Variants in MORF4L1 observed in about 807,000 individuals in gnomAD.
MORF4L1 encodes mortality factor 4 like 1.
A neutral mutation model predicts 52.9 loss-of-function variants in MORF4L1; 4 were observed. The observed-to-expected ratio is 0.08, with a 90% CI of 0.04 to 0.17. The LOEUF (loss-of-function observed/expected upper bound fraction) is 0.17, where lower values mean the gene tolerates loss of function less well. MORF4L1 is among the 10% of genes least tolerant of loss of function. The pLI, the probability that MORF4L1 is intolerant of heterozygous loss-of-function variation, is 1.00. For missense variants in MORF4L1, 214 were observed against 390.4 expected (o/e 0.55, Z 3.81); for synonymous variants, 123 against 134.8 (o/e 0.91, Z 0.61).
intron 1 of MORF4L1, chr15:78,877,995 C>G (rs1052518811): frequency 2.3e-6 from 1 of 444,090 alleles, no homozygotes. Flanking sequence ...GTAGATTGAC[C>G]TGCTAATGAA....
Position 78,886,428 on chromosome 15 carries a change from G to C in MORF4L1, c.242+201G>C, listed in dbSNP as rs1335387086. 2.2e-5 allele frequency: 13 copies of C among 585,290 alleles called. No homozygotes were observed. The East Asian group carries it at 3.7e-4, about 17-fold the overall frequency. 36.3% of individuals were successfully genotyped at this position (585,290 alleles called of 1,614,324 possible). ...AAGTAGCATACCTGCCATTACTTGAGCTTATCTTAGACCTAGGTAGAAAAC... is the reference window on the plus strand; with the variant it reads ...AAGTAGCATACCTGCCATTACTTGACCTTATCTTAGACCTAGGTAGAAAAC... On this transcript the variant is annotated intron_variant, in intron 4 of 11. Coordinates refer to ENST00000426013, the MANE Select transcript of MORF4L1 (RefSeq NM_006791.4).
chr15:78,885,017 A>T (rs776554521), intron 3 of MORF4L1: 13 of 1,614,000 alleles, frequency 8.1e-6, no homozygotes, highest in Non-Finnish European at 1.1e-5. Context: ...ACACATGAGG[A>T]TATTGTAGCC....
At chr15:78,894,789 T>C in intron 10 of MORF4L1, 31 bp from the exon 11 acceptor site, 5 of 1,535,940 alleles carry the variant, frequency 3.3e-6, no homozygotes, top group Non-Finnish European at 4.5e-6. Flanking sequence ...GCCTTGGATG[T>C]AACTTTGGAT....
rs2056903786 is a variant in MORF4L1, at chr15:78,897,083, A to G, written c.*16A>G. The G allele has an allele frequency of 1.1e-5, 17 of 1,596,244 alleles. No individual in the cohort carries two copies. Among genetic ancestry groups the G allele is most frequent in the Admixed American group, 1.7e-5 (1 of 59,866 alleles). ...AGCTGTGTGAGAGGCACTCTCACTC[A>G]CTTATGTTTGGATCTCCGTAAACAC... On this transcript the variant is annotated 3_prime_UTR_variant, in exon 12 of 12. Transcript: ENST00000426013.
chr15:78,897,817 G>C lies in MORF4L1; in HGVS notation c.*750G>C, dbSNP rs576679144. 6.6e-6 allele frequency: 1 copy of C among 152,666 alleles called. No homozygotes were observed. The highest frequency in any genetic ancestry group is 2.1e-4 in the South Asian group (1 of 4,832). The allele number at this position is 152,666 out of a possible 1,614,324, so 9.5% of individuals were successfully genotyped here. ...TTGTATTTAGACAGTGGTTTTTCAG[G>C]TGCGTGCTTTGTTTTCTGGTATGGC... On this transcript the variant is annotated 3_prime_UTR_variant, in exon 12 of 12. Transcript: ENST00000426013.
chr15:78,879,247 AGTATTGCTCT>A (rs1353095792), intron 2 of MORF4L1, among the ~76,000 whole-genome samples: 1 of 151,118 alleles, frequency 6.6e-6, no homozygotes, highest in Non-Finnish European at 1.5e-5. Context: ...CCCCCAAGAC[AGTATTGCTCT>A]GTCGCCCAGG....
chr15:78,878,979 G>A (rs2056547574), intron 2 of MORF4L1, among the ~76,000 whole-genome samples: 1 of 151,918 alleles, frequency 6.6e-6, no homozygotes, highest in Admixed American at 6.6e-5. Flanking sequence ...ATATGTGTCT[G>A]AAAATAGCCT....
chr15:78,881,939 G>T lies in MORF4L1; in HGVS notation c.155+1360G>T, dbSNP rs77961686. ...TTTTCCTGTGAAGTTCACTGGCCCTGTGACTTTGGTCTTGTTTCATCTAGT... is the reference window on the plus strand; with the variant it reads ...TTTTCCTGTGAAGTTCACTGGCCCTTTGACTTTGGTCTTGTTTCATCTAGT... On this transcript the variant is annotated intron_variant, in intron 3 of 11. Transcript: ENST00000426013. 9.7e-3 allele frequency among the ~76,000 whole-genome samples: 1,478 copies of T among 152,260 alleles called. 22 individuals are homozygous for T. The highest frequency in any genetic ancestry group is 0.034 in the African/African-American group (1,412 of 41,558).
chr15:78,875,671 C>T (rs902397214), intron 1 of MORF4L1, among the ~76,000 whole-genome samples: 1 of 151,728 alleles, frequency 6.6e-6, no homozygotes, highest in African/African-American at 2.4e-5. Flanking sequence ...CCTGTAATCC[C>T]GGCTACTCGG....
chr15:78,878,427 AG>A (rs1361754940), intron 2 of MORF4L1, among the ~76,000 whole-genome samples, 168 bp downstream of exon 2: 1 of 152,148 alleles, frequency 6.6e-6, no homozygotes, highest in Non-Finnish European at 1.5e-5. Context: ...TGTTTTGCTT[AG>A]TGGCTCAAAT....
Position 78,896,970 on chromosome 15 carries a change from ATTTT to A in MORF4L1, c.888-12_888-9del. 6.2e-7 allele frequency: 1 copy of A among 1,610,122 alleles called. No homozygotes were observed. On this transcript the variant is annotated splice_polypyrimidine_tract_variant and intron_variant, in intron 11 of 11. Coordinates refer to ENST00000426013, the MANE Select transcript of MORF4L1 (RefSeq NM_006791.4). ...ACCTTTAAAAATTTTTGTAATGAAT[ATTTT>A]ATTTTTAGGTACCTGGCAAAGAATT...
chr15:78,879,365 G>A (rs113198676), intron 2 of MORF4L1, among the ~76,000 whole-genome samples: 8,952 of 152,128 alleles, frequency 0.059, 270 homozygotes, highest in Middle Eastern at 0.13. Flanking sequence ...GGGATTACAG[G>A]CACCAGCCAC....
intron 5 of MORF4L1, among the ~76,000 whole-genome samples, chr15:78,888,351 C>T (rs956662950): frequency 6.6e-6 from 1 of 151,706 alleles, no homozygotes; most frequent in African/African-American, 2.4e-5. Flanking sequence ...CTTGTAGTCC[C>T]ACCTATTCAG....
In MORF4L1 at chr15:78,892,290, G is replaced by A. The variant is rs1241867236; in HGVS notation, c.517G>A (p.Asp173Asn). Residue 173 changes from aspartate (D) to asparagine (N), a missense_variant, in exon 8 of 12, where the codon GAC becomes AAC. Physicochemically the swap from Asp to Asn is conservative, Grantham distance 23. Transcript: ENST00000426013. ...ELKPWLVDDW[D>N]LITRQKQLFY... ...AAAACCGTGGCTTGTTGATGACTGG[G>A]ACTTAATTACCAGGCAAAAACAGGT... 1 of 1,613,246 alleles carries A rather than the reference G, an allele frequency of 6.2e-7. No individual in the cohort carries two copies. The highest frequency in any genetic ancestry group is 8.5e-7 in the Non-Finnish European group (1 of 1,179,458).
At chr15:78,891,722 A>G (rs2056805132) in intron 7 of MORF4L1, 150 bp downstream of exon 7, 1 of 593,226 alleles carries the variant, frequency 1.7e-6, no homozygotes. Context: ...TAAAGGATAA[A>G]TTTCTGTATA....
intron 3 of MORF4L1, among the ~76,000 whole-genome samples, chr15:78,881,087 A>C (rs1263917988): frequency 3.3e-5 from 5 of 149,910 alleles, no homozygotes; most frequent in African/African-American, 1.2e-4. Flanking sequence ...AACATTATTT[A>C]GTGTTGACCG....
intron 6 of MORF4L1, 140 bp downstream of exon 6, chr15:78,891,154 A>AT (rs1244218535): frequency 9.2e-7 from 1 of 1,081,556 alleles, no homozygotes; most frequent in African/African-American, 1.6e-5. Context: ...GTGTTATAAA[A>AT]TAGGTACATG....
intron 10 of MORF4L1, 38 bp downstream of exon 10, chr15:78,894,268 TG>T: frequency 1.3e-6 from 2 of 1,523,802 alleles, no homozygotes; most frequent in South Asian, 1.3e-5. Context: ...TTTTACTTTT[TG>T]GGGGGTCTTC....
At chr15:78,889,440 G>A (rs1471665390) in intron 5 of MORF4L1, among the ~76,000 whole-genome samples, 1 of 152,138 alleles carries the variant, frequency 6.6e-6, no homozygotes, top group East Asian at 1.9e-4. Flanking sequence ...TGTCATGTTG[G>A]CTCAGAAAAT....
Sources: gnomAD v4.1 joint callset for allele counts (sites outside exome capture counted in the v4.1 genomes callset) on GRCh38, gnomAD v4.1.1 for gene constraint, MANE v1.5 for transcripts, NCBI Gene and HGNC (gene_info 2026-07-23, HGNC 2026-07-21) for gene names.